Variants in CREBBP observed in about 807,000 individuals in gnomAD.
CREBBP encodes the protein CREB-binding protein.
Under a neutral mutation model 265.0 loss-of-function variants are expected in CREBBP, and 19 were observed. That is an observed-to-expected ratio of 0.07 (90% confidence interval 0.05 to 0.11). The LOEUF (loss-of-function observed/expected upper bound fraction) is 0.11. Ranked by LOEUF, CREBBP falls within the 10% of genes least tolerant of loss-of-function variation. CREBBP has a pLI of 1.00. For missense variants in CREBBP, 2,525 were observed against 3,219.0 expected, an observed-to-expected ratio of 0.78 and a Z score of 5.22; for synonymous variants, 1,457 against 1,223.7, an observed-to-expected ratio of 1.19 and a Z score of -3.98.
chr16:3,790,484 C>T (rs1244041328), intron 5 of CREBBP, among the ~76,000 whole-genome samples: 2 of 150,614 alleles, frequency 1.3e-5, no homozygotes, highest in African/African-American at 4.9e-5. Context: ...AAGTGATTCT[C>T]CTGCCTCAGC....
Position 3,725,801 on chromosome 16 carries a change from G to A in CREBBP, c.*1917C>T, listed in dbSNP as rs759051612. 30 of 233,060 alleles carry A rather than the reference G, an allele frequency of 1.3e-4. No homozygotes were observed. Among genetic ancestry groups the A allele is most frequent in the African/African-American group, 4.2e-4 (19 of 45,320 alleles). 14.4% of individuals were successfully genotyped at this position (233,060 alleles called of 1,614,324 possible). The stretch of plus-strand genomic sequence containing the variant: ...TATCTGTGAATGTAAGGGCCCAAAC[G>A]GAAGCTATTTGGGGCGTGATTTCTA... On this transcript the variant is annotated 3_prime_UTR_variant, in exon 31 of 31. Transcript: ENST00000262367.
At chr16:3,820,495 G>A (rs1355631537) in intron 2 of CREBBP, among the ~76,000 whole-genome samples, 2 of 152,234 alleles carry the variant, frequency 1.3e-5, no homozygotes, top group South Asian at 2.1e-4. Context: ...GCGGCCCCCA[G>A]GTCTGAACAT....
At chr16:3,852,804 C>G (rs1193722108) in intron 1 of CREBBP, among the ~76,000 whole-genome samples, 1 of 152,110 alleles carries the variant, frequency 6.6e-6, no homozygotes, top group Non-Finnish European at 1.5e-5. Context: ...AACCCTTTTT[C>G]TGGTCCCTTT....
At chr16:3,824,300 A>G (rs2054197845) in intron 2 of CREBBP, among the ~76,000 whole-genome samples, 2 of 152,256 alleles carry the variant, frequency 1.3e-5, no homozygotes, top group African/African-American at 4.8e-5. Context: ...GAATGGGGAA[A>G]AACACCTCTG....
Position 3,731,069 on chromosome 16 carries a change from T to TCTGGAGGA in CREBBP, c.5172+115_5172+122dup. On this transcript the variant is annotated intron_variant, in intron 30 of 30. Coordinates refer to ENST00000262367, the MANE Select transcript of CREBBP (RefSeq NM_004380.3). This position sits in a 1 kb window ranked among gnomAD's most constrained non-coding sequence, Gnocchi z 7.7. ...TTCTGCCTTGTGACGCTGTCCTAGT[T>TCTGGAGGA]CTGGAGGAGTCAGTGCAGCCACCAT... The TCTGGAGGA allele has an allele frequency of 3.0e-6, 3 of 1,001,508 alleles. No homozygotes were observed. The highest frequency in any genetic ancestry group is 4.6e-6 in the Non-Finnish European group (3 of 656,370). 62.0% of individuals were successfully genotyped at this position (1,001,508 alleles called of 1,614,324 possible).
At chr16:3,799,333 GT>G (rs1001230678) in intron 3 of CREBBP, among the ~76,000 whole-genome samples, 1 of 152,136 alleles carries the variant, frequency 6.6e-6, no homozygotes, top group African/African-American at 2.4e-5. Context: ...TTAAAAAGCT[GT>G]TTTTAAAAAG....
Position 3,726,110 on chromosome 16 carries a change from T to A in CREBBP, c.*1608A>T. On this transcript the variant is annotated 3_prime_UTR_variant, in exon 31 of 31. Coordinates refer to ENST00000262367, the MANE Select transcript of CREBBP (RefSeq NM_004380.3). The stretch of plus-strand genomic sequence containing the variant: ...GGACCGGAGCTGGTGCTCCAAGGTG[T>A]CTGTCCCTCAGCATTTCCTCAAACG... 4.3e-6 allele frequency: 1 copy of A among 233,296 alleles called. No individual in the cohort carries two copies. The highest frequency in any genetic ancestry group is 8.5e-6 in the Non-Finnish European group (1 of 118,048). The allele number at this position is 233,296 out of a possible 1,614,324, so 14.5% of individuals were successfully genotyped here. A position where few individuals can be genotyped will look rare whatever the true frequency, so the allele number is the denominator to read the frequency against.
At chr16:3,870,719 C>A (rs917192076) in intron 1 of CREBBP, among the ~76,000 whole-genome samples, 4 of 152,204 alleles carry the variant, frequency 2.6e-5, no homozygotes, top group African/African-American at 9.6e-5. Context: ...CCGGGTCAGG[C>A]TACATCATCT....
At chr16:3,781,890 T>C (rs1221001050) in intron 6 of CREBBP, among the ~76,000 whole-genome samples, 1 of 152,194 alleles carries the variant, frequency 6.6e-6, no homozygotes, top group Non-Finnish European at 1.5e-5. Context: ...CCAGTATTAG[T>C]TAGACATTCA....
In CREBBP at chr16:3,803,260, CGGGGAGGGGGGGGGGGG is replaced by C. The variant is rs1172037636; in HGVS notation, c.975+7326_975+7342del. ...TCCCAGCACTTTGGGAGGCTGACGG[CGGGGAGGGGGGGGGGGG>C]GGGTGGATCACGAGGTCAGGAGTTC... On this transcript the variant is annotated intron_variant, in intron 3 of 30. Coordinates refer to ENST00000262367, the MANE Select transcript of CREBBP (RefSeq NM_004380.3). Among the ~76,000 whole-genome samples, 2 of 8,454 alleles carry C rather than the reference CGGGGAGGGGGGGGGGGG, an allele frequency of 2.4e-4. 1 individual carries two copies. The highest frequency in any genetic ancestry group is 1.7e-3 in the African/African-American group (2 of 1,184). 5.5% of individuals were successfully genotyped at this position (8,454 alleles called of 152,430 possible).
Position 3,727,950 on chromosome 16 carries a change from C to T in CREBBP, c.7097G>A (p.Arg2366Gln), listed in dbSNP as rs1338620715. The change falls in exon 31 of 31, where the codon CGG (arginine) becomes CAG (glutamine). Residue 2366 changes from arginine to glutamine, a missense_variant. Arg to Gln is a conservative substitution (Grantham distance 43). This residue lies in a region of CREBBP where 473 missense variants were observed against 459.3 expected (regional missense o/e 1.03). Coordinates refer to ENST00000262367, the MANE Select transcript of CREBBP (RefSeq NM_004380.3). ...SQPPHSSPSP[R>Q]IQPQPSPHHV... The stretch of plus-strand genomic sequence containing the variant: ...GTGTGGCGAAGGCTGGGGCTGTATC[C>T]GTGGTGACGGGCTGGAATGTGGAGG... The T allele has an allele frequency of 2.5e-6, 4 of 1,607,488 alleles. No individual in the cohort carries two copies. The highest frequency in any genetic ancestry group is 3.4e-6 in the Non-Finnish European group (4 of 1,175,486).
In CREBBP at chr16:3,863,891, G is replaced by A. The variant is rs1003432405; in HGVS notation, c.86-12882C>T. On this transcript the variant is annotated intron_variant, in intron 1 of 30. Coordinates refer to ENST00000262367, the MANE Select transcript of CREBBP (RefSeq NM_004380.3). ...AGTAATGACCCAGCAGCCCCTGCAC[G>A]TTAGCCCAATCATCTGGGACAGGGG... 2.2e-4 allele frequency among the ~76,000 whole-genome samples: 34 copies of A among 152,180 alleles called. 1 individual carries two copies. Among genetic ancestry groups the A allele is most frequent in the Admixed American group, 5.9e-4 (9 of 15,274 alleles).
At chr16:3,829,801 A>G (rs2054306774) in intron 2 of CREBBP, among the ~76,000 whole-genome samples, 1 of 152,240 alleles carries the variant, frequency 6.6e-6, no homozygotes, top group African/African-American at 2.4e-5. Flanking sequence ...GCCAAGGAGC[A>G]GGAAGATGTG....
At position 3,849,443 on chromosome 16, in the gene CREBBP, GTGTGTGT is replaced by G. The variant is rs2054765358; in HGVS notation, c.798+847_798+853del. On this transcript the variant is annotated intron_variant, in intron 2 of 30. Transcript: ENST00000262367. ...TGTGTGTGTGTGTGTGTGTGTGTGT[GTGTGTGT>G]GTGTGTGTGTGTGTGTGTGTGTGTG... 4.6e-3 allele frequency among the ~76,000 whole-genome samples: 93 copies of G among 20,062 alleles called. 1 individual carries two copies. Among genetic ancestry groups the G allele is most frequent in the East Asian group, 0.026 (8 of 302 alleles). The allele number at this position is 20,062 out of a possible 152,430, so 13.2% of individuals were successfully genotyped here.
chr16:3,773,875 G>A lies in CREBBP; in HGVS notation c.2339C>T (p.Thr780Ile), dbSNP rs956175120. The A allele has an allele frequency of 6.2e-7, 1 of 1,612,320 alleles. No individual in the cohort carries two copies. The highest frequency in any genetic ancestry group is 8.5e-7 in the Non-Finnish European group (1 of 1,180,032). Residue 780 changes from threonine to isoleucine, a missense_variant, in exon 13 of 31, where the codon ACC becomes ATC. Transcript: ENST00000262367. Reference protein sequence around the residue: ...PQPPNMMGAHTNNMMAQAPAQ... With the variant: ...PQPPNMMGAHINNMMAQAPAQ... ...GGGCGCCTGGGCCATCATGTTGTTG[G>A]TGTGTGCACCCATCATGTTCGGAGG...
chr16:3,810,033 A>T (rs1019936201), intron 3 of CREBBP, among the ~76,000 whole-genome samples: 12 of 152,160 alleles, frequency 7.9e-5, no homozygotes, highest in African/African-American at 2.7e-4. Context: ...GCAAAAGGAG[A>T]TATTTTCCCA....
chr16:3,820,973 C>A (rs552543981), intron 2 of CREBBP, among the ~76,000 whole-genome samples: 1 of 152,182 alleles, frequency 6.6e-6, no homozygotes, highest in Non-Finnish European at 1.5e-5. Context: ...CTTGGCAGGT[C>A]CCTACAGTTA....
chr16:3,736,160 T>C lies in CREBBP; in HGVS notation c.4604A>G (p.Lys1535Arg). 9 of 1,614,252 alleles carry C rather than the reference T, an allele frequency of 5.6e-6. No individual in the cohort carries two copies. The highest frequency in any genetic ancestry group is 7.6e-6 in the Non-Finnish European group (9 of 1,180,046). ...QATEDRLTSA[K>R]ELPYFEGDFW... is the part of the protein sequence containing the mutation. ...ATCACCTTCAAAATAGGGCAGTTCC[T>C]TGGCACTGGTGAGCCTGTCTTCAGT... is the stretch of plus-strand genomic sequence containing the variant. Residue 1535 changes from lysine to arginine, a missense_variant, in exon 28 of 31, where the codon AAG (lysine) becomes AGG (arginine). Physicochemically the swap from Lys to Arg is conservative, Grantham distance 26. Around this residue, in one of 19 missense-constraint regions of CREBBP, gnomAD observed 93 missense variants for 161.5 expected, o/e 0.58. Transcript: ENST00000262367.
intron 23 of CREBBP, 55 bp downstream of exon 23, chr16:3,744,839 T>C: frequency 1.5e-6 from 2 of 1,347,674 alleles, no homozygotes; most frequent in Non-Finnish European, 2.1e-6. Context: ...GGGGACAATT[T>C]CTACAAGTTT....
Sources: gnomAD v4.1 joint callset for allele counts (sites outside exome capture counted in the v4.1 genomes callset) on GRCh38, gnomAD v4.1.1 for gene constraint, gnomAD v4.1.1 regional missense constraint, Gnocchi (gnomAD v3.1) non-coding constraint, MANE v1.5 for transcripts, NCBI Gene and HGNC (gene_info 2026-07-23, HGNC 2026-07-21) for gene names.